Variants in CSMD3 observed in about 807,000 individuals in gnomAD.
The protein encoded by CSMD3 is CUB and Sushi multiple domains 3, also known as CUB and sushi domain-containing protein 3.
CSMD3 carries 177 observed loss-of-function variants against 435.2 expected under a neutral mutation model. The observed-to-expected ratio is 0.41, with a 90% confidence interval of 0.36 to 0.46. CSMD3 has a LOEUF of 0.46. Ranked by LOEUF, CSMD3 falls within the 20% of genes least tolerant of loss-of-function variation. The probability of loss-of-function intolerance (pLI) is 0.34; values close to 1 mark genes in which losing one functional copy is unlikely to be tolerated. For missense variants in CSMD3, 4,265 were observed against 4,504.6 expected (o/e 0.95, Z 1.52); for synonymous variants, 1,656 against 1,520.5 (o/e 1.09, Z -2.07).
chr8:112,348,767 T>C (rs1287906854), intron 40 of CSMD3, among the ~76,000 whole-genome samples: 11 of 152,060 alleles, frequency 7.2e-5, no homozygotes, highest in Non-Finnish European at 1.3e-4. Context: ...AAACAATTTT[T>C]CTAATTTAGT....
chr8:112,360,528 G>A (rs543196559), intron 38 of CSMD3, among the ~76,000 whole-genome samples: 1 of 151,780 alleles, frequency 6.6e-6, no homozygotes, highest in South Asian at 2.1e-4. Flanking sequence ...TAATCACAGA[G>A]ATAAATAACC....
chr8:112,796,553 C>G (rs180956142), intron 13 of CSMD3, among the ~76,000 whole-genome samples: 1 of 151,964 alleles, frequency 6.6e-6, no homozygotes, highest in South Asian at 2.1e-4. Context: ...TAAGCTAAGA[C>G]AAAGTTGAAA....
chr8:113,221,690 C>A (rs971052992), intron 3 of CSMD3, among the ~76,000 whole-genome samples: 2 of 151,204 alleles, frequency 1.3e-5, no homozygotes, highest in African/African-American at 4.8e-5. Flanking sequence ...TTTACACCTG[C>A]TCTCTCTTCC....
At chr8:112,613,167 T>C (rs1418760445) in intron 22 of CSMD3, among the ~76,000 whole-genome samples, 1 of 152,136 alleles carries the variant, frequency 6.6e-6, no homozygotes, top group African/African-American at 2.4e-5. Context: ...TTTTAAAAGG[T>C]TGTCACCTAA....
chr8:113,005,619 T>C (rs773963965), intron 6 of CSMD3, among the ~76,000 whole-genome samples: 59 of 152,122 alleles, frequency 3.9e-4, no homozygotes, highest in Non-Finnish European at 5.3e-4. Context: ...AAAAGGAATA[T>C]AATGACAATG....
At chr8:112,916,667 T>G (rs761039996) in intron 10 of CSMD3, among the ~76,000 whole-genome samples, 44 of 151,928 alleles carry the variant, frequency 2.9e-4, no homozygotes, top group Non-Finnish European at 5.6e-4. Context: ...GGCTGATAAA[T>G]TTCAGCAGGT....
intron 22 of CSMD3, among the ~76,000 whole-genome samples, chr8:112,597,155 A>C (rs1831810010): frequency 6.6e-6 from 1 of 151,194 alleles, no homozygotes; most frequent in African/African-American, 2.4e-5. Flanking sequence ...GAAGAGTCAA[A>C]TAGACACAAT....
At chr8:112,999,435 G>A (rs1017958182) in intron 6 of CSMD3, among the ~76,000 whole-genome samples, 3 of 151,850 alleles carry the variant, frequency 2.0e-5, no homozygotes, top group African/African-American at 7.2e-5. Flanking sequence ...TGTGACAAGA[G>A]AAGTGGGGAG....
chr8:112,654,598 G>GCATAC (rs1339967645), intron 18 of CSMD3, among the ~76,000 whole-genome samples: 6 of 152,108 alleles, frequency 3.9e-5, no homozygotes, highest in African/African-American at 1.4e-4. Flanking sequence ...GCTGACTGAA[G>GCATAC]GTATGCATTT....
chr8:112,325,018 C>G (rs1437329292), intron 45 of CSMD3, among the ~76,000 whole-genome samples: 1 of 151,936 alleles, frequency 6.6e-6, no homozygotes. Flanking sequence ...TAACTTCATC[C>G]CCACCTATTA....
chr8:112,699,629 T>C (rs1265306167), intron 13 of CSMD3, among the ~76,000 whole-genome samples: 1 of 152,232 alleles, frequency 6.6e-6, no homozygotes, highest in Non-Finnish European at 1.5e-5. Context: ...ACATCAATTT[T>C]ACTAGGTGAC....
At chr8:113,055,246 G>A (rs970984551) in intron 5 of CSMD3, among the ~76,000 whole-genome samples, 9 of 152,192 alleles carry the variant, frequency 5.9e-5, no homozygotes, top group Non-Finnish European at 8.8e-5. Context: ...CACCTCCTGC[G>A]TTCAAGCAAT....
At chr8:112,928,110 C>T (rs1055632125) in intron 9 of CSMD3, among the ~76,000 whole-genome samples, 4 of 152,082 alleles carry the variant, frequency 2.6e-5, no homozygotes, top group South Asian at 2.1e-4. Context: ...TTTACTTCCT[C>T]TACTTATATA....
intron 4 of CSMD3, among the ~76,000 whole-genome samples, chr8:113,140,393 A>C (rs1385497402): frequency 6.6e-6 from 1 of 150,868 alleles, no homozygotes; most frequent in Non-Finnish European, 1.5e-5. Flanking sequence ...ACTCAGTAAC[A>C]CTACCAATTA....
chr8:112,426,901 C>T (rs1586287485), intron 32 of CSMD3, among the ~76,000 whole-genome samples: 1 of 152,150 alleles, frequency 6.6e-6, no homozygotes, highest in East Asian at 1.9e-4. Context: ...TTCAGGTAAT[C>T]GTGATACCTT....
At chr8:113,188,501 A>G (rs2092540421) in intron 3 of CSMD3, among the ~76,000 whole-genome samples, 2 of 151,994 alleles carry the variant, frequency 1.3e-5, no homozygotes, top group Non-Finnish European at 1.5e-5. Flanking sequence ...ACAAGCAGTA[A>G]TAGTGTGCAA....
intron 32 of CSMD3, among the ~76,000 whole-genome samples, chr8:112,453,134 G>A (rs1410518799): frequency 6.6e-6 from 1 of 152,026 alleles, no homozygotes; most frequent in Non-Finnish European, 1.5e-5. Flanking sequence ...GTAAGTAAAT[G>A]GCAGAACTGG....
chr8:113,203,092 T>C (rs376839346), intron 3 of CSMD3, among the ~76,000 whole-genome samples: 12 of 152,014 alleles, frequency 7.9e-5, no homozygotes, highest in African/African-American at 2.7e-4. Flanking sequence ...TAATACAGTA[T>C]AGTTTCTAGT....
chr8:112,314,714 G>T, intron 47 of CSMD3, 97 bp from the exon 48 acceptor site: 1 of 811,676 alleles, frequency 1.2e-6, no homozygotes, highest in Non-Finnish European at 2.1e-6. Flanking sequence ...ATGTTCAATA[G>T]CTATAAGGAT....
Sources: gnomAD v4.1 joint callset for allele counts (sites outside exome capture counted in the v4.1 genomes callset) on GRCh38, gnomAD v4.1.1 for gene constraint, MANE v1.5 for transcripts, NCBI Gene and HGNC (gene_info 2026-07-23, HGNC 2026-07-21) for gene names.